Variants in ALG6 observed in about 807,000 individuals in gnomAD.
ALG6 encodes dolichyl pyrophosphate Man9GlcNAc2 alpha-1,3-glucosyltransferase.
A neutral mutation model predicts 66.6 loss-of-function variants in ALG6; 46 were observed. That is an observed-to-expected ratio of 0.69 (90% CI 0.55 to 0.88). ALG6 has a LOEUF of 0.88. ALG6 is among the 40% of genes least tolerant of loss of function. ALG6 has a pLI of 0.00. For synonymous variants in ALG6, 185 were observed against 203.7 expected (o/e 0.91, Z 0.78); for missense variants, 505 against 586.8 (o/e 0.86, Z 1.44).
chr1:63,377,060 C>T (rs1648157144), intron 2 of ALG6, among the ~76,000 whole-genome samples: 1 of 152,060 alleles, frequency 6.6e-6, no homozygotes, highest in Non-Finnish European at 1.5e-5. Context: ...CTCCCGGGTT[C>T]AAGGGATTCT....
At position 63,428,792 on chromosome 1, in the gene ALG6, C is replaced by T. The variant is rs184937568; in HGVS notation, c.1118C>T (p.Ser373Leu). ...PFMSTWFLLV[S>L]TFSMLPLLLK... is the part of the protein sequence containing the mutation. The stretch of plus-strand genomic sequence containing the variant: ...ATGTCTACTTGGTTTTTACTTGTGT[C>T]AACATTTAGGTAAGTCATATCAATT... Residue 373 changes from serine (S) to leucine (L), a missense_variant, in exon 13 of 15, where the codon TCA becomes TTA. By Grantham distance (145) the Ser-to-Leu change is moderately radical. Coordinates refer to ENST00000263440, the MANE Select transcript of ALG6 (RefSeq NM_013339.4). 1 of 1,608,324 alleles carries T rather than the reference C, an allele frequency of 6.2e-7. No individual in the cohort carries two copies. Among genetic ancestry groups the T allele is most frequent in the African/African-American group, 1.3e-5 (1 of 74,878 alleles).
intron 9 of ALG6, among the ~76,000 whole-genome samples, chr1:63,412,795 G>A (rs1644523290): frequency 6.6e-6 from 1 of 151,994 alleles, no homozygotes; most frequent in South Asian, 2.1e-4. Flanking sequence ...GAAACAAAAA[G>A]GCCTTTTAAT....
At chr1:63,373,260 G>C (rs1647996837) in intron 2 of ALG6, among the ~76,000 whole-genome samples, 1 of 151,608 alleles carries the variant, frequency 6.6e-6, no homozygotes, top group South Asian at 2.1e-4. Flanking sequence ...GCCTGCCCCA[G>C]CCTCCCAAAG....
intron 9 of ALG6, 159 bp from the exon 10 acceptor site, chr1:63,413,902 G>T: frequency 1.7e-6 from 1 of 588,306 alleles, no homozygotes. Context: ...CAGTGTATGC[G>T]TATATGTTTA....
rs1644455333 is a variant in ALG6, at chr1:63,400,320, CGTATATATATATATACGTAT to C, written c.168-1933_168-1914del. ...ACGTATATATATGTATATATATATA[CGTATATATATATATACGTAT>C]ATATATATGTATATATATATGTATA... On this transcript the variant is annotated intron_variant, in intron 3 of 14. Coordinates refer to ENST00000263440, the MANE Select transcript of ALG6 (RefSeq NM_013339.4). 1.1e-3 allele frequency among the ~76,000 whole-genome samples: 5 copies of C among 4,482 alleles called. 1 individual carries two copies. The highest frequency in any genetic ancestry group is 6.5e-3 in the African/African-American group (4 of 618). The allele number at this position is 4,482 out of a possible 152,430, so 2.9% of individuals were successfully genotyped here.
At chr1:63,372,174 T>C (rs1647947619) in intron 2 of ALG6, among the ~76,000 whole-genome samples, 1 of 152,080 alleles carries the variant, frequency 6.6e-6, no homozygotes, top group Non-Finnish European at 1.5e-5. Flanking sequence ...TTGAGTTGCA[T>C]GAAACATAGG....
intron 1 of ALG6, among the ~76,000 whole-genome samples, chr1:63,368,657 C>T (rs1341989152): frequency 6.6e-6 from 1 of 152,036 alleles, no homozygotes; most frequent in South Asian, 2.1e-4. Flanking sequence ...CGCACCACCA[C>T]GCCCAGCTAA....
chr1:63,402,955 C>T (rs988247998), intron 4 of ALG6, among the ~76,000 whole-genome samples: 8 of 151,158 alleles, frequency 5.3e-5, no homozygotes, highest in Admixed American at 2.0e-4. Context: ...ATTAGTCAGG[C>T]GTGGTGGCAC....
intron 7 of ALG6, among the ~76,000 whole-genome samples, chr1:63,407,396 G>A (rs1397953042): frequency 6.6e-6 from 1 of 152,074 alleles, no homozygotes; most frequent in Non-Finnish European, 1.5e-5. Flanking sequence ...TGGAAAAAGA[G>A]TGCCAAGTAT....
chr1:63,389,626 T>C (rs1648609164), intron 2 of ALG6, among the ~76,000 whole-genome samples: 1 of 152,198 alleles, frequency 6.6e-6, no homozygotes, highest in Non-Finnish European at 1.5e-5. Context: ...TGGATGGTCT[T>C]AATGCTTGTG....
intron 12 of ALG6, among the ~76,000 whole-genome samples, chr1:63,425,813 C>A (rs35294049): frequency 0.13 from 19,797 of 151,958 alleles, 1,485 homozygotes; most frequent in Middle Eastern, 0.25. Context: ...TAATGATTGA[C>A]CTTAGAATTT....
intron 1 of ALG6, among the ~76,000 whole-genome samples, chr1:63,369,856 T>C (rs781585393): frequency 5.3e-5 from 8 of 152,088 alleles, no homozygotes; most frequent in Non-Finnish European, 8.8e-5. Context: ...TTCGCTCTTG[T>C]TGCCCAGGCT....
chr1:63,388,947 T>C (rs1384184721), intron 2 of ALG6, among the ~76,000 whole-genome samples: 1 of 152,194 alleles, frequency 6.6e-6, no homozygotes, highest in Non-Finnish European at 1.5e-5. Flanking sequence ...GCCAGATGTA[T>C]TGGAACTCCT....
chr1:63,417,485 A>G (rs1644551207), intron 11 of ALG6, among the ~76,000 whole-genome samples: 1 of 152,126 alleles, frequency 6.6e-6, no homozygotes, highest in Non-Finnish European at 1.5e-5. Context: ...CATGCTTTGA[A>G]TTCTTATTGT....
chr1:63,382,655 GTTTTTT>G lies in ALG6; in HGVS notation c.82+11600_82+11605del, dbSNP rs1388211782. 5.6e-3 allele frequency among the ~76,000 whole-genome samples: 456 copies of G among 81,224 alleles called. 1 individual carries two copies. Among genetic ancestry groups the G allele is most frequent in the African/African-American group, 0.017 (347 of 20,822 alleles). The allele number at this position is 81,224 out of a possible 152,430, so 53.3% of individuals were successfully genotyped here. On this transcript the variant is annotated intron_variant, in intron 2 of 14. Coordinates refer to ENST00000263440, the MANE Select transcript of ALG6 (RefSeq NM_013339.4). ...TGCCTGGCTAAGTTTTTTTTTGTTT[GTTTTTT>G]TTTGTTTTTTTTTTTTTGTTTTTTT...
intron 2 of ALG6, among the ~76,000 whole-genome samples, chr1:63,385,184 CTTTTTTTTTTTTTTT>C (rs1165046824): frequency 6.8e-5 from 4 of 58,954 alleles, no homozygotes; most frequent in Admixed American, 2.2e-4. Context: ...TTTACTTCTT[CTTTTTTTTTTTTTTT>C]TTTTTTTTTT....
At chr1:63,429,532 TTCAAGA>T (rs757191460) in intron 14 of ALG6, 1 of 165,820 alleles carries the variant, frequency 6.0e-6, no homozygotes, top group South Asian at 1.6e-4. Flanking sequence ...AGACTAAAAG[TTCAAGA>T]TCAAGATCAA....
Position 63,411,204 on chromosome 1 carries a change from T to C in ALG6, c.553T>C (p.Cys185Arg), listed in dbSNP as rs541553019. The C allele has an allele frequency of 6.2e-6, 10 of 1,613,778 alleles. No individual in the cohort carries two copies. The highest frequency in any genetic ancestry group is 4.0e-5 in the African/African-American group (3 of 75,036). ...LWGVLGISCDCDLLGSLAFCL... is the reference protein window; with the variant it reads ...LWGVLGISCDRDLLGSLAFCL... ...GGGTGTTCTTGGAATATCTTGTGAC[T>C]GCGACCTCCTAGGGTCACTGGCATT... Residue 185 changes from cysteine (C) to arginine (R), a missense_variant, in exon 8 of 15, where the codon TGC (cysteine) becomes CGC (arginine). Physicochemically the swap from Cys to Arg is radical, Grantham distance 180. Transcript: ENST00000263440.
At chr1:63,436,233 G>A (rs956033509) in intron 14 of ALG6, among the ~76,000 whole-genome samples, 1 of 152,122 alleles carries the variant, frequency 6.6e-6, no homozygotes, top group African/African-American at 2.4e-5. Flanking sequence ...ATTCATTCAT[G>A]TAATGCATGA....
Sources: allele counts gnomAD v4.1 joint callset (sites outside exome capture counted in the v4.1 genomes callset), GRCh38; gene constraint gnomAD v4.1.1; transcripts MANE v1.5; gene names NCBI Gene and HGNC (gene_info 2026-07-23, HGNC 2026-07-21).